Variants in SAMSN1 observed in about 807,000 individuals in gnomAD.
The protein encoded by SAMSN1 is SAM domain, SH3 domain and nuclear localization signals 1.
SAMSN1 carries 31 observed loss-of-function variants against 42.0 expected under a neutral mutation model. The ratio of observed to expected loss-of-function variants is 0.74; its 90% CI spans 0.55 to 1.00. The LOEUF (loss-of-function observed/expected upper bound fraction) is 1.00. Among genes scored for constraint, SAMSN1 ranks in the 50% least tolerant of loss-of-function variants. SAMSN1 has a pLI of 0.00. For missense variants in SAMSN1, 464 were observed against 439.4 expected (o/e 1.06, Z -0.50); for synonymous variants, 178 against 151.9 (o/e 1.17, Z -1.26).
intron 1 of SAMSN1, among the ~76,000 whole-genome samples, chr21:14,531,841 C>T (rs992115111): frequency 2.0e-5 from 3 of 152,188 alleles, no homozygotes; most frequent in African/African-American, 7.2e-5. Context: ...CTCCCTTTTA[C>T]TTCCATTAGT....
intron 2 of SAMSN1, among the ~76,000 whole-genome samples, chr21:14,642,713 C>T (rs146643376): frequency 2.1e-4 from 32 of 152,212 alleles, no homozygotes; most frequent in Admixed American, 9.2e-4. Context: ...CTTTCTTTCT[C>T]GCAACTTCCA....
At chr21:14,515,218 T>A (rs1349426607) in intron 3 of SAMSN1, among the ~76,000 whole-genome samples, 4 of 152,114 alleles carry the variant, frequency 2.6e-5, no homozygotes, top group African/African-American at 4.8e-5. Flanking sequence ...TTTAATGGAG[T>A]ACTGGAGACA....
intron 2 of SAMSN1, among the ~76,000 whole-genome samples, chr21:14,576,914 T>G (rs1307561238): frequency 1.3e-5 from 2 of 152,020 alleles, no homozygotes; most frequent in Non-Finnish European, 2.9e-5. Flanking sequence ...ACTTTGCCTC[T>G]TCCTGAAAGA....
chr21:14,583,811 A>G (rs1339143923), upstream of SAMSN1: 3 of 704,760 alleles, frequency 4.3e-6, no homozygotes, highest in East Asian at 8.1e-5. Flanking sequence ...AAGACAAATT[A>G]TTCCTCACAA....
chr21:14,572,008 T>C (rs1250817459), intron 2 of SAMSN1, among the ~76,000 whole-genome samples: 1 of 140,322 alleles, frequency 7.1e-6, no homozygotes, highest in African/African-American at 3.1e-5. Context: ...TTTTCTCGTG[T>C]AATACAGAAT....
chr21:14,513,857 T>C (rs1169219257), intron 3 of SAMSN1, among the ~76,000 whole-genome samples: 2 of 152,168 alleles, frequency 1.3e-5, no homozygotes, highest in Non-Finnish European at 2.9e-5. Flanking sequence ...AAGGCTAATG[T>C]AGTGTGAGAA....
exon 6 of SAMSN1, chr21:14,602,057 T>G (rs1182678748): frequency 1.4e-6 from 1 of 695,760 alleles, no homozygotes; most frequent in Admixed American, 2.2e-5. Flanking sequence ...TTTTCCTTGA[T>G]AGGTATGTAT....
At chr21:14,582,296 G>A in exon 2 of SAMSN1, 9 of 1,550,764 alleles carry the variant, frequency 5.8e-6, no homozygotes, top group Non-Finnish European at 7.8e-6. Flanking sequence ...CCACATGTAA[G>A]CTTCACCTTC....
At chr21:14,581,237 G>A (rs1207818001) in intron 2 of SAMSN1, among the ~76,000 whole-genome samples, 1 of 150,674 alleles carries the variant, frequency 6.6e-6, no homozygotes, top group Non-Finnish European at 1.5e-5. Flanking sequence ...GCAAGACCTA[G>A]GTTATAGGTC....
chr21:14,613,508 C>T (rs1982762208), intron 3 of SAMSN1, among the ~76,000 whole-genome samples: 1 of 152,104 alleles, frequency 6.6e-6, no homozygotes, highest in South Asian at 2.1e-4. Flanking sequence ...GTGTTTTCTA[C>T]TATTGATATT....
In SAMSN1 at chr21:14,555,330, T is replaced by C. The variant is rs747122394; in HGVS notation, c.261+26806A>G. Reference sequence around the variant, plus strand: ...TTTAGGTTTGCATCTTCTTGGTAAGTGTATGTAGCTATTTAAACAAAATCT... The same window carrying C: ...TTTAGGTTTGCATCTTCTTGGTAAGCGTATGTAGCTATTTAAACAAAATCT... On this transcript the variant is annotated intron_variant, in intron 2 of 8. Transcript: ENST00000285670. Among the ~76,000 whole-genome samples, 38 of 152,332 alleles carry C rather than the reference T, an allele frequency of 2.5e-4. No individual in the cohort carries two copies. The Middle Eastern group carries it at 0.017, about 68-fold the overall frequency.
chr21:14,642,915 T>C, intron 2 of SAMSN1: 1 of 602,438 alleles, frequency 1.7e-6, no homozygotes, highest in South Asian at 2.2e-5. Flanking sequence ...CAGTGAATTT[T>C]TGCTGTATTA....
chr21:14,516,717 T>G (rs1261615704), intron 3 of SAMSN1, among the ~76,000 whole-genome samples, 175 bp downstream of exon 3: 1 of 152,170 alleles, frequency 6.6e-6, no homozygotes, highest in Non-Finnish European at 1.5e-5. Context: ...GAGTGTCAGT[T>G]TCTTCTGTTA....
chr21:14,528,024 T>G (rs1354156573), intron 1 of SAMSN1, among the ~76,000 whole-genome samples: 6 of 152,278 alleles, frequency 3.9e-5, no homozygotes, highest in Non-Finnish European at 7.4e-5. Flanking sequence ...TAAAATTAAA[T>G]AATACTGTTA....
At chr21:14,511,271 C>G (rs1055714549) in intron 4 of SAMSN1, among the ~76,000 whole-genome samples, 5 of 152,206 alleles carry the variant, frequency 3.3e-5, no homozygotes, top group African/African-American at 1.2e-4. Flanking sequence ...TGCATCTAAT[C>G]ACATAAATTA....
intron 2 of SAMSN1, among the ~76,000 whole-genome samples, chr21:14,640,321 G>T (rs1435928326): frequency 1.3e-5 from 2 of 152,090 alleles, no homozygotes; most frequent in African/African-American, 4.8e-5. Context: ...TTGTCAGTTT[G>T]GTTCTAGAGA....
Position 14,612,829 on chromosome 21 carries a change from G to A in SAMSN1, c.235+47C>T, listed in dbSNP as rs555745893. The A allele has an allele frequency of 5.0e-4, 340 of 684,680 alleles. 5 individuals carry two copies. Among genetic ancestry groups the A allele is most frequent in the South Asian group, 4.6e-3 (290 of 63,024 alleles). 42.4% of individuals were successfully genotyped at this position (684,680 alleles called of 1,614,324 possible). On this transcript the variant is annotated intron_variant, in intron 4 of 15. Coordinates refer to the SAMSN1 transcript ENST00000647101. ...AGGAGCAGGAGAAAAGAACTTGTGG[G>A]GAGACAGAATACATCGTTTACACTT... is the stretch of plus-strand genomic sequence containing the variant.
At chr21:14,542,031 G>C (rs1298863238) in intron 1 of SAMSN1, among the ~76,000 whole-genome samples, 1 of 151,508 alleles carries the variant, frequency 6.6e-6, no homozygotes, top group Non-Finnish European at 1.5e-5. Flanking sequence ...AGGAACGAAC[G>C]GAAAAGAAAG....
At chr21:14,541,366 T>G (rs1980018795) in intron 1 of SAMSN1, among the ~76,000 whole-genome samples, 2 of 151,666 alleles carry the variant, frequency 1.3e-5, no homozygotes, top group Admixed American at 1.3e-4. Context: ...GTATCCATAC[T>G]TGAACCAGGC....
Sources: allele counts gnomAD v4.1 joint callset (sites outside exome capture counted in the v4.1 genomes callset), GRCh38; gene constraint gnomAD v4.1.1; transcripts MANE v1.5; gene names NCBI Gene and HGNC (gene_info 2026-07-23, HGNC 2026-07-21).